Variants in ACACA observed in about 807,000 individuals in gnomAD.
ACACA encodes the protein acetyl-CoA carboxylase 1.
A neutral mutation model predicts 296.1 loss-of-function variants in ACACA; 103 were observed. That is an observed-to-expected ratio of 0.35 (90% CI 0.30 to 0.41). The LOEUF (loss-of-function observed/expected upper bound fraction) is 0.41, where lower values mean the gene tolerates loss of function less well. Among genes scored for constraint, ACACA ranks in the 10% least tolerant of loss-of-function variants. The pLI is 1.00. For missense variants in ACACA, 1,554 were observed against 2,989.7 expected (o/e 0.52, Z 11.20); for synonymous variants, 953 against 1,038.6 (o/e 0.92, Z 1.58).
chr17:37,283,460 G>A, intron 4 of ACACA, 55 bp from the exon 5 acceptor site: 5 of 1,593,462 alleles, frequency 3.1e-6, no homozygotes, highest in Non-Finnish European at 4.3e-6. Flanking sequence ...AAGCAACAAT[G>A]GAGGAAAAGA....
intron 1 of ACACA, 44 bp downstream of exon 1, chr17:37,406,218 T>G (rs373445343): frequency 2.5e-6 from 4 of 1,605,220 alleles, no homozygotes; most frequent in African/African-American, 2.7e-5. Flanking sequence ...TGGTAGCTAT[T>G]AGAATCATCA....
intron 1 of ACACA, chr17:37,388,922 C>A: frequency 8.2e-7 from 1 of 1,220,330 alleles, no homozygotes; most frequent in Non-Finnish European, 1.1e-6. Context: ...CTCACACTCA[C>A]TAGCTGAGTG....
In ACACA at chr17:37,244,673, A is replaced by C. The variant is rs2080603071; in HGVS notation, c.2657T>G (p.Leu886Arg). 1.2e-6 allele frequency: 2 copies of C among 1,614,162 alleles called. No homozygotes were observed. The highest frequency in any genetic ancestry group is 1.7e-6 in the Non-Finnish European group (2 of 1,180,020). ...CAGGACATAATGGAACACTCGATGGAGTTTCTCGCCTCTGAGTGCCGTGCT... is the reference window on the plus strand; with the variant it reads ...CAGGACATAATGGAACACTCGATGGCGTTTCTCGCCTCTGAGTGCCGTGCT... ...IQSTALRGEK[L>R]HRVFHYVLDN... Residue 886 changes from leucine (L) to arginine (R), a missense_variant, in exon 21 of 56, where the codon CTC becomes CGC. Leu to Arg is a moderately radical substitution (Grantham distance 102). Around this residue, in one of 16 missense-constraint regions of ACACA, gnomAD observed 316 missense variants for 540.9 expected, o/e 0.58. Transcript: ENST00000616317.
At chr17:37,238,739 T>C (rs945979022) in intron 24 of ACACA, among the ~76,000 whole-genome samples, 4 of 152,224 alleles carry the variant, frequency 2.6e-5, no homozygotes, top group South Asian at 2.1e-4. Context: ...ATAATATTCT[T>C]GATTATAATT....
chr17:37,392,331 A>G (rs2147815340), intron 1 of ACACA: 1 of 152,448 alleles, frequency 6.6e-6, no homozygotes, highest in East Asian at 1.9e-4. Flanking sequence ...TCTTCTGACG[A>G]TCCAGAATTC....
chr17:37,190,025 AAAAG>A, intron 38 of ACACA, among the ~76,000 whole-genome samples: 1 of 145,178 alleles, frequency 6.9e-6, no homozygotes, highest in African/African-American at 2.4e-5. Context: ...AAAAAAAAGA[AAAAG>A]AAAAAAAAAA....
intron 16 of ACACA, among the ~76,000 whole-genome samples, chr17:37,251,674 A>C (rs2081002331): frequency 6.6e-6 from 1 of 152,216 alleles, no homozygotes; most frequent in Non-Finnish European, 1.5e-5. Flanking sequence ...GTTCAGTGCT[A>C]GGGAGAAATA....
Position 37,270,752 on chromosome 17 carries a change from T to C in ACACA, c.1118A>G (p.Gln373Arg). The change falls in exon 10 of 56, where the codon CAG (glutamine) becomes CGG (arginine). Residue 373 changes from glutamine (Q) to arginine (R), a missense_variant and splice_region_variant. Transcript: ENST00000616317. Reference protein sequence around the residue: ...NADDFPNLFRQVQAEVPGSPI... With the variant: ...NADDFPNLFRRVQAEVPGSPI... Reference sequence around the variant, plus strand: ...AAACAAAAACAGCTTATACTCTACCTGTCTGAAGAGATTAGGGAAGTCATC... The same window carrying C: ...AAACAAAAACAGCTTATACTCTACCCGTCTGAAGAGATTAGGGAAGTCATC... 2 of 1,608,744 alleles carry C rather than the reference T, an allele frequency of 1.2e-6. No homozygotes were observed. Among genetic ancestry groups the C allele is most frequent in the Non-Finnish European group, 1.7e-6 (2 of 1,175,150 alleles).
intron 3 of ACACA, among the ~76,000 whole-genome samples, chr17:37,313,962 A>G (rs2046966582): frequency 6.6e-6 from 1 of 152,212 alleles, no homozygotes; most frequent in African/African-American, 2.4e-5. Flanking sequence ...GTAAGGGTCC[A>G]TCAACAGATG....
chr17:37,109,405 CT>C (rs1272322693), intron 52 of ACACA, among the ~76,000 whole-genome samples: 5 of 152,146 alleles, frequency 3.3e-5, no homozygotes, highest in African/African-American at 1.2e-4. Flanking sequence ...GTGATCTCCA[CT>C]TTATGGTTGG....
At chr17:37,402,214 G>A (rs1188788328) in intron 1 of ACACA, among the ~76,000 whole-genome samples, 1 of 152,118 alleles carries the variant, frequency 6.6e-6, no homozygotes, top group African/African-American at 2.4e-5. Context: ...TGCTATGACA[G>A]GTTAAATACA....
At chr17:37,096,393 T>C (rs563748519) in intron 54 of ACACA, among the ~76,000 whole-genome samples, 1 of 152,186 alleles carries the variant, frequency 6.6e-6, no homozygotes, top group Non-Finnish European at 1.5e-5. Flanking sequence ...CATGTTACTC[T>C]TACTCTCATG....
chr17:37,096,348 C>T (rs2072992347), intron 54 of ACACA, among the ~76,000 whole-genome samples: 1 of 152,188 alleles, frequency 6.6e-6, no homozygotes, highest in African/African-American at 2.4e-5. Flanking sequence ...AGTCTCTGAG[C>T]TGCCCTGAAA....
chr17:37,162,100 T>C, intron 41 of ACACA, 50 bp from the exon 42 acceptor site: 1 of 1,604,804 alleles, frequency 6.2e-7, no homozygotes, highest in Non-Finnish European at 8.5e-7. Context: ...ACAGGCAGAA[T>C]TTTTTTCAGG....
intron 29 of ACACA, among the ~76,000 whole-genome samples, chr17:37,215,814 A>G (rs2078955253): frequency 6.9e-6 from 1 of 145,650 alleles, no homozygotes; most frequent in African/African-American, 2.8e-5. Context: ...CTCACTAGGG[A>G]AAGAAGGAGA....
At chr17:37,169,525 G>C (rs986011444) in intron 41 of ACACA, among the ~76,000 whole-genome samples, 1 of 152,172 alleles carries the variant, frequency 6.6e-6, no homozygotes, top group African/African-American at 2.4e-5. Context: ...TGCTTTGGAA[G>C]AGAGTCATAT....
chr17:37,131,128 T>A (rs563680516), intron 45 of ACACA, among the ~76,000 whole-genome samples: 1 of 151,802 alleles, frequency 6.6e-6, no homozygotes, highest in Admixed American at 6.6e-5. Flanking sequence ...CCCTCCTCCT[T>A]CCCTTCCCAG....
intron 45 of ACACA, among the ~76,000 whole-genome samples, chr17:37,146,025 G>A (rs8073074): frequency 0.17 from 26,141 of 152,144 alleles, 2,984 homozygotes; most frequent in East Asian, 0.46. Flanking sequence ...AGACACAGTG[G>A]CAAAGGATGG....
At chr17:37,102,461 A>G (rs2073422594) in intron 52 of ACACA, among the ~76,000 whole-genome samples, 1 of 152,092 alleles carries the variant, frequency 6.6e-6, no homozygotes. Flanking sequence ...CTCGGCCTCC[A>G]AAAGTGCTGG....
Sources: allele counts gnomAD v4.1 joint callset (sites outside exome capture counted in the v4.1 genomes callset), GRCh38; gene constraint gnomAD v4.1.1; regional missense constraint gnomAD v4.1.1; transcripts MANE v1.5; gene names NCBI Gene and HGNC (gene_info 2026-07-23, HGNC 2026-07-21).